The following TIAM1 variants were observed in gnomAD, a reference collection of about 807,000 sequenced individuals.
TIAM1 encodes the protein TIAM Rac1 associated GEF 1.
A neutral mutation model predicts 163.5 loss-of-function variants in TIAM1; 65 were observed. The observed-to-expected ratio is 0.40, with a 90% CI of 0.33 to 0.49. The LOEUF (loss-of-function observed/expected upper bound fraction) is 0.49, where lower values mean the gene tolerates loss of function less well. Among genes scored for constraint, TIAM1 ranks in the 20% least tolerant of loss-of-function variants. The probability of loss-of-function intolerance (pLI) is 0.77; values close to 1 mark genes in which losing one functional copy is unlikely to be tolerated. For synonymous variants in TIAM1, 833 were observed against 810.1 expected, an observed-to-expected ratio of 1.03 and a Z score of -0.48; for missense variants, 1,789 against 2,044.7, an observed-to-expected ratio of 0.87 and a Z score of 2.41.
At chr21:31,210,678 AGAAAGAAAAAG>A (rs2086774898) in intron 10 of TIAM1, among the ~76,000 whole-genome samples, 1 of 94,576 alleles carries the variant, frequency 1.1e-5, no homozygotes, top group Admixed American at 1.2e-4. Flanking sequence ...AAAGAAAGAA[AGAAAGAAAAAG>A]AAAGAAAGAA....
intron 2 of TIAM1, among the ~76,000 whole-genome samples, chr21:31,364,858 C>G (rs1299469582): frequency 4.6e-5 from 7 of 152,062 alleles, no homozygotes; most frequent in Non-Finnish European, 1.0e-4. Context: ...CCAGAGTGGG[C>G]AAAGTTTTTC....
intron 1 of TIAM1, among the ~76,000 whole-genome samples, chr21:31,465,861 G>A (rs192787492): frequency 1.4e-4 from 22 of 151,798 alleles, no homozygotes; most frequent in Middle Eastern, 6.8e-3. Flanking sequence ...GTGAGCCACC[G>A]CACCTGGCTA....
chr21:31,452,396 A>ACT, intron 2 of TIAM1: 2 of 265,716 alleles, frequency 7.5e-6, no homozygotes, highest in Non-Finnish European at 1.4e-5. Context: ...CCAAGATCGC[A>ACT]CTCCGGCCTG....
rs138301970 is a variant in TIAM1 at position 31,421,742 on chromosome 21, C to T, written c.-369+42241G>A. ...GCAGTGGCCACGCCTATAATCCCAA[C>T]GTTGTGGAAGGCCATGGCAGGAGGA... is the stretch of plus-strand genomic sequence containing the variant. On this transcript the variant is annotated intron_variant, in intron 2 of 28. Transcript: ENST00000286827. Among the ~76,000 whole-genome samples, 772 of 152,210 alleles carry T rather than the reference C, an allele frequency of 5.1e-3. 6 individuals are homozygous for T. The highest frequency in any genetic ancestry group is 0.017 in the African/African-American group (726 of 41,528).
chr21:31,171,521 C>T (rs947193572), intron 15 of TIAM1, among the ~76,000 whole-genome samples: 8 of 152,036 alleles, frequency 5.3e-5, no homozygotes, highest in African/African-American at 1.7e-4. Context: ...CAATAATTGG[C>T]GGCATATCTG....
chr21:31,339,243 C>T lies in TIAM1; in HGVS notation c.-189G>A. 2.5e-6 allele frequency: 1 copy of T among 398,190 alleles called. No homozygotes were observed. The highest frequency in any genetic ancestry group is 2.1e-5 in the African/African-American group (1 of 48,726). The allele number at this position is 398,190 out of a possible 1,614,324, so 24.7% of individuals were successfully genotyped here. On this transcript the variant is annotated splice_region_variant and 5_prime_UTR_variant, in exon 2 of 28. Coordinates refer to ENST00000541036, the MANE Select transcript of TIAM1 (RefSeq NM_001353694.2). Reference sequence around the variant, plus strand: ...AGCCTTTTGCAAACGCCACACTTACCCCATTGGAAACAGAAGAGGCTTTGT... The same window carrying T: ...AGCCTTTTGCAAACGCCACACTTACTCCATTGGAAACAGAAGAGGCTTTGT...
At chr21:31,359,514 G>A (rs2076368003) in intron 2 of TIAM1, among the ~76,000 whole-genome samples, 1 of 152,064 alleles carries the variant, frequency 6.6e-6, no homozygotes, top group African/African-American at 2.4e-5. Flanking sequence ...CAGTGAAAGG[G>A]CCGGGCATGG....
At chr21:31,253,589 T>C (rs1353645600) in intron 4 of TIAM1, among the ~76,000 whole-genome samples, 2 of 152,032 alleles carry the variant, frequency 1.3e-5, no homozygotes, top group African/African-American at 4.8e-5. Flanking sequence ...TAGCAAGACA[T>C]GGAAAAAAGA....
intron 2 of TIAM1, among the ~76,000 whole-genome samples, chr21:31,406,560 C>G (rs1032529094): frequency 6.6e-6 from 1 of 152,144 alleles, no homozygotes; most frequent in Admixed American, 6.5e-5. Context: ...ATGCAATAAA[C>G]TTTCATCAAG....
intron 7 of TIAM1, among the ~76,000 whole-genome samples, chr21:31,223,924 T>G: frequency 6.6e-6 from 1 of 152,092 alleles, no homozygotes; most frequent in East Asian, 1.9e-4. Flanking sequence ...ACCAAAGAAC[T>G]ATATGACTTA....
At chr21:31,405,466 C>T (rs528496287) in intron 2 of TIAM1, among the ~76,000 whole-genome samples, 5 of 152,222 alleles carry the variant, frequency 3.3e-5, no homozygotes, top group Admixed American at 1.3e-4. Flanking sequence ...GAGCCCACTT[C>T]CCCTGTATTA....
chr21:31,324,331 C>T (rs934745523), intron 2 of TIAM1, among the ~76,000 whole-genome samples: 8 of 151,822 alleles, frequency 5.3e-5, no homozygotes, highest in Admixed American at 2.0e-4. Flanking sequence ...CCAGCCTGGG[C>T]GACGGAGAGA....
chr21:31,529,490 C>G (rs1241282619), intron 1 of TIAM1, among the ~76,000 whole-genome samples: 1 of 152,016 alleles, frequency 6.6e-6, no homozygotes, highest in East Asian at 1.9e-4. Flanking sequence ...CTTGAGTAAA[C>G]AGAGAAGGAA....
chr21:31,254,887 C>T (rs2072008710), intron 4 of TIAM1, among the ~76,000 whole-genome samples: 1 of 152,126 alleles, frequency 6.6e-6, no homozygotes. Flanking sequence ...GAGGCAGAAA[C>T]CCGAAAGACC....
intron 2 of TIAM1, among the ~76,000 whole-genome samples, chr21:31,291,349 C>T (rs780311491): frequency 2.4e-4 from 37 of 152,144 alleles, no homozygotes; most frequent in Non-Finnish European, 2.5e-4. Flanking sequence ...GCTTAATCTT[C>T]CAGAAACCTG....
At chr21:31,329,330 C>T (rs2075599977) in intron 2 of TIAM1, among the ~76,000 whole-genome samples, 1 of 152,202 alleles carries the variant, frequency 6.6e-6, no homozygotes, top group African/African-American at 2.4e-5. Context: ...CAAAGACAAC[C>T]CGCAAGAAGA....
At chr21:31,225,971 AG>A in intron 6 of TIAM1, 21 bp from the exon 7 acceptor site, 1 of 1,602,784 alleles carries the variant, frequency 6.2e-7, no homozygotes, top group Non-Finnish European at 8.5e-7. Context: ...AAGAAGGGGC[AG>A]GAAGAAAAAG....
chr21:31,280,657 TG>T (rs1190916586), intron 2 of TIAM1, among the ~76,000 whole-genome samples: 1 of 152,132 alleles, frequency 6.6e-6, no homozygotes, highest in East Asian at 1.9e-4. Flanking sequence ...CAAAAATTGA[TG>T]GGGCTGAGAA....
chr21:31,267,096 G>T (rs553029541), intron 3 of TIAM1, 113 bp from the exon 4 acceptor site: 2 of 1,427,302 alleles, frequency 1.4e-6, no homozygotes, highest in Admixed American at 2.4e-5. Flanking sequence ...GCTCACAGGG[G>T]TTGTTAGGTA....
Sources: allele counts gnomAD v4.1 joint callset (sites outside exome capture counted in the v4.1 genomes callset), GRCh38; gene constraint gnomAD v4.1.1; transcripts MANE v1.5; gene names NCBI Gene and HGNC (gene_info 2026-07-23, HGNC 2026-07-21).